TMEM260: variants seen among roughly 807,000 people sequenced by gnomAD.
The protein encoded by TMEM260 is protein O-mannosyl-transferase TMEM260.
Under a neutral mutation model 88.9 loss-of-function variants are expected in TMEM260, and 82 were observed. The ratio of observed to expected loss-of-function variants is 0.92; its 90% CI spans 0.77 to 1.11. TMEM260 has a LOEUF of 1.11. TMEM260 is among the 50% of genes least tolerant of loss of function. The pLI is 0.00. For missense variants in TMEM260, 902 were observed against 853.4 expected, an observed-to-expected ratio of 1.06 and a Z score of -0.71; for synonymous variants, 314 against 309.3, an observed-to-expected ratio of 1.02 and a Z score of -0.16.
At chr14:56,642,219 C>T (rs529004071) in intron 15 of TMEM260, among the ~76,000 whole-genome samples, 6 of 152,270 alleles carry the variant, frequency 3.9e-5, no homozygotes, top group Admixed American at 2.0e-4. Context: ...TTCTCAGCAC[C>T]GCATTGCACT....
At chr14:56,635,035 AG>A in intron 14 of TMEM260, 83 bp downstream of exon 14, 1 of 1,153,282 alleles carries the variant, frequency 8.7e-7, no homozygotes, top group South Asian at 1.3e-5. Flanking sequence ...TTTTGAGAGT[AG>A]GGGTGAGTAG....
chr14:56,632,952 C>T, intron 12 of TMEM260, 43 bp from the exon 13 acceptor site: 1 of 1,519,858 alleles, frequency 6.6e-7, no homozygotes, highest in East Asian at 2.3e-5. Context: ...ACATTTAAAA[C>T]TTTAAATTTT....
At chr14:56,654,594 G>A (rs1210647444), downstream of TMEM260, among the ~76,000 whole-genome samples, 3 of 151,858 alleles carry the variant, frequency 2.0e-5, no homozygotes, top group African/African-American at 7.3e-5. Context: ...CGAGGCAGGC[G>A]GATCACCTGA....
chr14:56,632,968 C>T, intron 12 of TMEM260, 27 bp from the exon 13 acceptor site: 1 of 1,587,504 alleles, frequency 6.3e-7, no homozygotes, highest in Non-Finnish European at 8.6e-7. Flanking sequence ...ATTTTAAGTA[C>T]ATCATGTATT....
At chr14:56,589,338 C>T (rs778921770) in intron 3 of TMEM260, among the ~76,000 whole-genome samples, 6 of 151,900 alleles carry the variant, frequency 3.9e-5, no homozygotes, top group East Asian at 1.9e-4. Flanking sequence ...AAACTATTGC[C>T]GGCCAAATGG....
intron 6 of TMEM260, among the ~76,000 whole-genome samples, chr14:56,610,385 C>G (rs146467484): frequency 6.6e-6 from 1 of 152,174 alleles, no homozygotes; most frequent in East Asian, 1.9e-4. Context: ...GGACTACAGA[C>G]GCCCACCACC....
chr14:56,596,312 A>G (rs1467702859), intron 3 of TMEM260, among the ~76,000 whole-genome samples: 2 of 151,274 alleles, frequency 1.3e-5, no homozygotes, highest in Admixed American at 1.3e-4. Context: ...TAATATATAT[A>G]TGGGAAACAA....
intron 11 of TMEM260, among the ~76,000 whole-genome samples, chr14:56,623,887 A>G (rs536762575): frequency 6.6e-5 from 10 of 152,362 alleles, no homozygotes; most frequent in Admixed American, 1.3e-4. Context: ...ATATCCGAAC[A>G]TAACAAAGCT....
chr14:56,593,258 C>T (rs1462365745), intron 3 of TMEM260: 1 of 151,836 alleles, frequency 6.6e-6, no homozygotes, highest in Non-Finnish European at 1.5e-5. Flanking sequence ...ACATTTGATG[C>T]TTAATAGCAT....
rs1885657586 is a variant in TMEM260 at position 56,588,581 on chromosome 14, T to C, written c.344+2669T>C. Among the ~76,000 whole-genome samples the C allele has an allele frequency of 2.6e-5, 4 of 152,134 alleles. No homozygotes were observed. The South Asian group carries it at 8.3e-4, about 32-fold the overall frequency. On this transcript the variant is annotated intron_variant, in intron 3 of 15. Coordinates refer to ENST00000261556, the MANE Select transcript of TMEM260 (RefSeq NM_017799.4). ...TTTTTTGTCAATCTTTCCTAATGGT[T>C]GGCAAGAACTCATTTATATTTGCTT...
chr14:56,652,350 T>G (rs1329017457), downstream of TMEM260, among the ~76,000 whole-genome samples: 1 of 151,912 alleles, frequency 6.6e-6, no homozygotes, highest in Non-Finnish European at 1.5e-5. Context: ...ATACAAAAAT[T>G]AGCAGGGCAA....
intron 4 of TMEM260, among the ~76,000 whole-genome samples, chr14:56,605,036 A>G (rs1349974551): frequency 6.6e-6 from 1 of 152,234 alleles, no homozygotes; most frequent in Non-Finnish European, 1.5e-5. Context: ...CAATGCAGAG[A>G]TGAACATGGA....
the TMEM260 span, among the ~76,000 whole-genome samples, chr14:56,658,170 C>A: frequency 1.3e-5 from 2 of 152,204 alleles, no homozygotes; most frequent in Admixed American, 1.3e-4. Context: ...AAAAGCAGGC[C>A]CTGCTTCCAC....
chr14:56,617,572 A>G (rs1887666163), intron 9 of TMEM260, among the ~76,000 whole-genome samples: 1 of 152,312 alleles, frequency 6.6e-6, no homozygotes, highest in African/African-American at 2.4e-5. Context: ...ATATAGGTAC[A>G]ACTGCATTTC....
At chr14:56,600,623 C>T (rs1886517231) in intron 3 of TMEM260, among the ~76,000 whole-genome samples, 1 of 152,136 alleles carries the variant, frequency 6.6e-6, no homozygotes, top group South Asian at 2.1e-4. Flanking sequence ...ATCCAAACTT[C>T]AGTGAGATGC....
At chr14:56,605,502 C>A in intron 4 of TMEM260, 68 bp from the exon 5 acceptor site, 1 of 812,982 alleles carries the variant, frequency 1.2e-6, no homozygotes, top group Non-Finnish European at 1.9e-6. Context: ...ATAAAAATGG[C>A]TTTTTATTAT....
chr14:56,633,003 C>A lies in TMEM260; in HGVS notation c.1556C>A (p.Thr519Lys). The A allele has an allele frequency of 6.2e-7, 1 of 1,613,330 alleles. No individual in the cohort carries two copies. Among genetic ancestry groups the A allele is most frequent in the Non-Finnish European group, 8.5e-7 (1 of 1,179,702 alleles). The change falls in exon 13 of 16, where the codon ACA (threonine) becomes AAA (lysine). Residue 519 changes from threonine (T) to lysine (K), a missense_variant. Coordinates refer to ENST00000261556, the MANE Select transcript of TMEM260 (RefSeq NM_017799.4). ...TTTTCTGTTTCCAACAGAAAAGAAA[C>A]ATTTGTTTGCATAGGAATTCATGAA... ...HFLEVNKQKE[T>K]FVCIGIHEGD...
chr14:56,621,646 C>G lies in TMEM260; in HGVS notation c.1342C>G (p.Arg448Gly). Residue 448 changes from arginine to glycine, a missense_variant, in exon 11 of 16, where the codon CGT becomes GGT. Physicochemically the swap from Arg to Gly is moderately radical, Grantham distance 125. Transcript: ENST00000261556. ...AGGAGATTTGCCAGGAAATTCTCTC[C>G]GTTACATGCATTACTGTGAGGGGTT... Reference protein sequence around the residue: ...LRGDLPGNSLRYMHYCEGLRP... With the variant: ...LRGDLPGNSLGYMHYCEGLRP... The G allele has an allele frequency of 6.2e-7, 1 of 1,613,208 alleles. No homozygotes were observed.
intron 12 of TMEM260, 122 bp from the exon 13 acceptor site, chr14:56,632,873 C>CA: frequency 1.1e-6 from 1 of 926,130 alleles, no homozygotes; most frequent in Non-Finnish European, 1.6e-6. Context: ...GTAATTTTTC[C>CA]AAAATCATAT....
Sources: allele counts gnomAD v4.1 joint callset (sites outside exome capture counted in the v4.1 genomes callset), GRCh38; gene constraint gnomAD v4.1.1; transcripts MANE v1.5; gene names NCBI Gene and HGNC (gene_info 2026-07-23, HGNC 2026-07-21).